CALCR: variants seen among roughly 807,000 people sequenced by gnomAD.
CALCR encodes calcitonin receptor.
A neutral mutation model predicts 59.5 loss-of-function variants in CALCR; 47 were observed. That is an observed-to-expected ratio of 0.79 (90% CI 0.63 to 1.01). CALCR has a LOEUF of 1.01. Ranked by LOEUF, CALCR falls within the 50% of genes least tolerant of loss-of-function variation. The probability of loss-of-function intolerance (pLI) is 0.00; values close to 1 mark genes in which losing one functional copy is unlikely to be tolerated. For synonymous variants in CALCR, 213 were observed against 211.3 expected (o/e 1.01, Z -0.07); for missense variants, 566 against 597.1 (o/e 0.95, Z 0.54).
chr7:93,442,739 G>T (rs1799933794), intron 9 of CALCR, among the ~76,000 whole-genome samples: 1 of 152,196 alleles, frequency 6.6e-6, no homozygotes. Flanking sequence ...CCATCATGTG[G>T]GGTGGATGTG....
At chr7:93,492,592 T>C (rs1165362786) in intron 2 of CALCR, among the ~76,000 whole-genome samples, 2 of 151,438 alleles carry the variant, frequency 1.3e-5, no homozygotes, top group Non-Finnish European at 3.0e-5. Flanking sequence ...CGCACACACG[T>C]ATTAAGTGCT....
At chr7:93,542,042 C>A (rs548384258) in intron 2 of CALCR, among the ~76,000 whole-genome samples, 2 of 152,172 alleles carry the variant, frequency 1.3e-5, no homozygotes, top group South Asian at 4.2e-4. Context: ...AAATAAGTGA[C>A]AATCTTTGCT....
intron 9 of CALCR, among the ~76,000 whole-genome samples, chr7:93,441,848 T>C (rs1430425046): frequency 6.6e-6 from 1 of 152,170 alleles, no homozygotes; most frequent in Non-Finnish European, 1.5e-5. Context: ...GTTCACACTA[T>C]GTGACAACAT....
At chr7:93,540,116 T>A (rs1386646359) in intron 2 of CALCR, among the ~76,000 whole-genome samples, 1 of 152,204 alleles carries the variant, frequency 6.6e-6, no homozygotes, top group Non-Finnish European at 1.5e-5. Flanking sequence ...GTTGCCCCGA[T>A]GACTGCGAAT....
At chr7:93,559,131 A>G (rs1193655868) in intron 2 of CALCR, among the ~76,000 whole-genome samples, 1 of 152,140 alleles carries the variant, frequency 6.6e-6, no homozygotes, top group African/African-American at 2.4e-5. Flanking sequence ...AAGTTTGAAA[A>G]ATTATTTGAG....
chr7:93,434,256 A>G lies in CALCR; in HGVS notation c.1188T>C (p.Asn396=), dbSNP rs1300916669. The stretch of plus-strand genomic sequence containing the variant: ...ATTATATGAAATGCATGCTTACCTC[A>G]TTGTTGCAGAAGCAGTAGATGGTCG... ...FVATIYCFCN[N]EVQTTVKRQW... Residue 396 remains asparagine, a synonymous_variant, in exon 13 of 14, where the codon AAT becomes AAC. Transcript: ENST00000426151. 6.2e-7 allele frequency: 1 copy of G among 1,608,092 alleles called. No individual in the cohort carries two copies. Among genetic ancestry groups the G allele is most frequent in the South Asian group, 1.1e-5 (1 of 90,966 alleles).
intron 13 of CALCR, among the ~76,000 whole-genome samples, chr7:93,430,835 A>G (rs1799643516): frequency 6.6e-6 from 1 of 152,212 alleles, no homozygotes; most frequent in Non-Finnish European, 1.5e-5. Flanking sequence ...GGTGATTCTG[A>G]TGTACACTCA....
chr7:93,475,867 G>A (rs917451962), intron 5 of CALCR, among the ~76,000 whole-genome samples: 2 of 151,686 alleles, frequency 1.3e-5, no homozygotes, highest in African/African-American at 2.4e-5. Flanking sequence ...CAGATTTTCC[G>A]CTAACAGCCT....
At chr7:93,455,634 G>C (rs929816949) in intron 8 of CALCR, among the ~76,000 whole-genome samples, 2 of 152,028 alleles carry the variant, frequency 1.3e-5, no homozygotes, top group Non-Finnish European at 2.9e-5. Flanking sequence ...ATCCTTAGAA[G>C]TGAAGAATTC....
intron 2 of CALCR, among the ~76,000 whole-genome samples, chr7:93,489,093 A>G (rs1037737380): frequency 6.6e-6 from 1 of 151,982 alleles, no homozygotes; most frequent in African/African-American, 2.4e-5. Flanking sequence ...TCAAATTAGA[A>G]CTCAGGACTA....
intron 2 of CALCR, among the ~76,000 whole-genome samples, chr7:93,544,025 G>A (rs1193778845): frequency 6.6e-6 from 1 of 151,700 alleles, no homozygotes; most frequent in African/African-American, 2.4e-5. Flanking sequence ...TAAAAAAGCA[G>A]AATAGAAATT....
intron 2 of CALCR, among the ~76,000 whole-genome samples, chr7:93,565,104 T>A (rs1789834865): frequency 1.3e-5 from 2 of 152,204 alleles, no homozygotes; most frequent in African/African-American, 4.8e-5. Context: ...ATGCACATAT[T>A]TTTCTGCATT....
rs957847811 is a variant in CALCR, at chr7:93,516,663, G to A, written c.-26-29656C>T. ...AAATACATGCATGTCAAAGAGAGTC[G>A]AGAAGTATGTTACATGTATATACAT... On this transcript the variant is annotated intron_variant, in intron 2 of 13. Transcript: ENST00000426151. Among the ~76,000 whole-genome samples, 32 of 151,690 alleles carry A rather than the reference G, an allele frequency of 2.1e-4. 1 individual carries two copies. Among genetic ancestry groups the A allele is most frequent in the Admixed American group, 1.6e-3 (24 of 15,152 alleles).
chr7:93,450,290 A>G lies in CALCR; in HGVS notation c.649-6533T>C, dbSNP rs536145000. Among the ~76,000 whole-genome samples the G allele has an allele frequency of 2.0e-5, 3 of 152,066 alleles. No individual in the cohort carries two copies. In the South Asian group the frequency reaches 6.2e-4, roughly 32 times the overall value. On this transcript the variant is annotated intron_variant, in intron 8 of 13. Coordinates refer to ENST00000426151, the MANE Select transcript of CALCR (RefSeq NM_001742.4). ...CTGTCAGACCTCTTAAAGTAAATAC[A>G]TTTGATATGAGGTATTCTAGCTTGT...
chr7:93,484,874 A>T (rs534461366), intron 3 of CALCR, among the ~76,000 whole-genome samples: 2 of 151,772 alleles, frequency 1.3e-5, no homozygotes, highest in South Asian at 4.2e-4. Flanking sequence ...AGCTTACTGT[A>T]TACCTCGCAG....
intron 8 of CALCR, among the ~76,000 whole-genome samples, chr7:93,455,659 T>C (rs1368391523): frequency 1.3e-5 from 2 of 152,064 alleles, no homozygotes; most frequent in Non-Finnish European, 2.9e-5. Flanking sequence ...CTAGAAAAGA[T>C]GGGTCTTGAA....
At chr7:93,513,985 G>T (rs2116056892) in intron 2 of CALCR, among the ~76,000 whole-genome samples, 1 of 152,008 alleles carries the variant, frequency 6.6e-6, no homozygotes, top group South Asian at 2.1e-4. Flanking sequence ...ACTGTAATGA[G>T]GATACATTTG....
At chr7:93,461,997 A>G (rs532913712) in intron 7 of CALCR, 1 of 916,576 alleles carries the variant, frequency 1.1e-6, no homozygotes, top group East Asian at 2.7e-5. Context: ...AAAGTTAGAA[A>G]TGAAGAATTT....
At chr7:93,462,662 A>G (rs1800360057) in intron 7 of CALCR, among the ~76,000 whole-genome samples, 1 of 152,132 alleles carries the variant, frequency 6.6e-6, no homozygotes, top group African/African-American at 2.4e-5. Flanking sequence ...AGTATGAATG[A>G]ATGTATCATA....
Sources: allele counts gnomAD v4.1 joint callset (sites outside exome capture counted in the v4.1 genomes callset), GRCh38; gene constraint gnomAD v4.1.1; transcripts MANE v1.5; gene names NCBI Gene and HGNC (gene_info 2026-07-23, HGNC 2026-07-21).